Variants in FLI1 observed in about 807,000 individuals in gnomAD.
The protein encoded by FLI1 is Fli-1 proto-oncogene, ETS transcription factor, also known as Friend leukemia integration 1 transcription factor.
Under a neutral mutation model 53.1 loss-of-function variants are expected in FLI1, and 13 were observed. The observed-to-expected ratio is 0.24, with a 90% CI of 0.16 to 0.39. The LOEUF is 0.39. Ranked by LOEUF, FLI1 falls within the 10% of genes least tolerant of loss-of-function variation. FLI1 has a pLI of 1.00. For synonymous variants in FLI1, 244 were observed against 236.7 expected (o/e 1.03, Z -0.28); for missense variants, 424 against 600.5 (o/e 0.71, Z 3.07).
chr11:128,801,467 AC>A (rs1423919209), intron 5 of FLI1, among the ~76,000 whole-genome samples: 2 of 152,212 alleles, frequency 1.3e-5, no homozygotes, highest in Non-Finnish European at 2.9e-5. Flanking sequence ...TGTTAAAAAC[AC>A]ATAAAATGCA....
intron 1 of FLI1, among the ~76,000 whole-genome samples, chr11:128,701,056 A>G (rs1273206103): frequency 1.3e-5 from 2 of 152,248 alleles, no homozygotes; most frequent in African/African-American, 4.8e-5. Flanking sequence ...AGAAATGAGC[A>G]GCAGTCAGGA....
Position 128,695,258 on chromosome 11 carries a change from G to A in FLI1, c.18+982G>A, listed in dbSNP as rs978028302. ...TCTCACTTCAGAAAAGTTGACTGCT[G>A]TCTCTGAAAGGGTTCGCCAAGTAGG... is the stretch of plus-strand genomic sequence containing the variant. On this transcript the variant is annotated intron_variant, in intron 1 of 8. Coordinates refer to ENST00000527786, the MANE Select transcript of FLI1 (RefSeq NM_002017.5). Among the ~76,000 whole-genome samples, 4 of 152,396 alleles carry A rather than the reference G, an allele frequency of 2.6e-5. No individual in the cohort carries two copies. The South Asian group carries it at 8.3e-4, about 32-fold the overall frequency.
At chr11:128,767,355 C>A (rs1206995255) in intron 2 of FLI1, among the ~76,000 whole-genome samples, 2 of 152,168 alleles carry the variant, frequency 1.3e-5, no homozygotes, top group African/African-American at 2.4e-5. Flanking sequence ...AAGTAGCAAC[C>A]AGCTCTTTTG....
chr11:128,693,267 C>T (rs1937835315), upstream of FLI1: 1 of 152,288 alleles, frequency 6.6e-6, no homozygotes, highest in Non-Finnish European at 1.5e-5. Context: ...GCCCCTTCTC[C>T]TAACAATGCG....
rs547062589 is a variant in FLI1, at chr11:128,811,042, A to G, written c.*54A>G. 8 of 1,566,834 alleles carry G rather than the reference A, an allele frequency of 5.1e-6. No homozygotes were observed. The African/African-American group carries it at 8.1e-5, about 16-fold the overall frequency. On this transcript the variant is annotated 3_prime_UTR_variant, in exon 9 of 9. Transcript: ENST00000527786. ...GAAGCCCATCCTGCACACTTACTGG[A>G]TGCTTTGGACTCAACAGGACATATG...
At position 128,811,132 on chromosome 11, in the gene FLI1, T is replaced by C; in HGVS notation, c.*144T>C. On this transcript the variant is annotated 3_prime_UTR_variant, in exon 9 of 9. Coordinates refer to ENST00000527786, the MANE Select transcript of FLI1 (RefSeq NM_002017.5). Reference sequence around the variant, plus strand: ...TTGGATAGAACCTTTGTATTTGTTCTTTAAAAACATTTTTTTTAATGTTGG... The same window carrying C: ...TTGGATAGAACCTTTGTATTTGTTCCTTAAAAACATTTTTTTTAATGTTGG... 2.6e-6 allele frequency: 2 copies of C among 778,124 alleles called. No homozygotes were observed. Among genetic ancestry groups the C allele is most frequent in the Admixed American group, 5.6e-5 (2 of 35,918 alleles). 48.2% of individuals were successfully genotyped at this position (778,124 alleles called of 1,614,324 possible).
At chr11:128,705,436 C>T (rs1388845701) in intron 1 of FLI1, among the ~76,000 whole-genome samples, 2 of 152,194 alleles carry the variant, frequency 1.3e-5, no homozygotes, top group South Asian at 2.1e-4. Flanking sequence ...CCTCCTCTAC[C>T]CTTGTACCTT....
At chr11:128,737,768 A>C (rs937542395) in intron 1 of FLI1, among the ~76,000 whole-genome samples, 5 of 152,190 alleles carry the variant, frequency 3.3e-5, no homozygotes, top group Admixed American at 3.3e-4. Context: ...GCTCAGTTCC[A>C]GTTACTTTTG....
chr11:128,772,017 C>A (rs1941576229), intron 3 of FLI1, among the ~76,000 whole-genome samples: 1 of 147,474 alleles, frequency 6.8e-6, no homozygotes. Context: ...GCTGAAAGTG[C>A]AACATCCCCA....
chr11:128,708,318 A>C (rs1395142211), intron 1 of FLI1, among the ~76,000 whole-genome samples: 1 of 152,208 alleles, frequency 6.6e-6, no homozygotes, highest in Non-Finnish European at 1.5e-5. Flanking sequence ...TCCATATGCT[A>C]ACACTACTTT....
chr11:128,750,178 C>T (rs897541584), intron 1 of FLI1, among the ~76,000 whole-genome samples: 9 of 152,308 alleles, frequency 5.9e-5, no homozygotes, highest in Admixed American at 1.3e-4. Context: ...GCACTGGGAG[C>T]GGCGGAGTGG....
At chr11:128,737,533 A>G (rs1435391452) in intron 1 of FLI1, among the ~76,000 whole-genome samples, 1 of 152,240 alleles carries the variant, frequency 6.6e-6, no homozygotes, top group Non-Finnish European at 1.5e-5. Flanking sequence ...TGAACAAGAC[A>G]TTTCTATTTT....
chr11:128,778,687 G>A (rs966110826), intron 4 of FLI1, among the ~76,000 whole-genome samples: 2 of 152,214 alleles, frequency 1.3e-5, no homozygotes, highest in Non-Finnish European at 2.9e-5. Flanking sequence ...GGAGCACTGC[G>A]TCCCCACCAC....
At position 128,758,118 on chromosome 11, in the gene FLI1, G is replaced by A. The variant is rs781469287; in HGVS notation, c.22G>A (p.Ala8Thr). 9.9e-6 allele frequency: 16 copies of A among 1,611,072 alleles called. No individual in the cohort carries two copies. The highest frequency in any genetic ancestry group is 1.7e-6 in the Non-Finnish European group (2 of 1,178,736). Residue 8 changes from alanine (A) to threonine (T), a missense_variant, in exon 2 of 9, where the codon GCT (alanine) becomes ACT (threonine). By Grantham distance (58) the Ala-to-Thr change is moderately conservative (BLOSUM62 0). Coordinates refer to ENST00000527786, the MANE Select transcript of FLI1 (RefSeq NM_002017.5). ...TGTCTCTTCTCTGGCCCTGCAGGAG[G>A]CTCTGTCGGTGGTGAGCGACGACCA... Reference protein sequence around the residue: MDGTIKEALSVVSDDQSL... With the variant: MDGTIKETLSVVSDDQSL...
chr11:128,752,150 A>G (rs1940674977), intron 1 of FLI1, among the ~76,000 whole-genome samples: 1 of 151,492 alleles, frequency 6.6e-6, no homozygotes, highest in South Asian at 2.1e-4. Flanking sequence ...TGAGTTTTGT[A>G]TTTTTAGTAG....
intron 2 of FLI1, 91 bp downstream of exon 2, chr11:128,758,417 C>T: frequency 9.6e-7 from 1 of 1,037,024 alleles, no homozygotes; most frequent in Non-Finnish European, 1.5e-6. Context: ...GTTTTTGCAG[C>T]AGATGGGGCT....
At chr11:128,700,154 C>G (rs1346535158) in intron 1 of FLI1, among the ~76,000 whole-genome samples, 1 of 152,210 alleles carries the variant, frequency 6.6e-6, no homozygotes, top group Non-Finnish European at 1.5e-5. Flanking sequence ...TTTCATAAAT[C>G]TCTTCACAGA....
intron 5 of FLI1, among the ~76,000 whole-genome samples, chr11:128,794,953 G>C (rs894881309): frequency 2.6e-5 from 4 of 152,208 alleles, no homozygotes; most frequent in Non-Finnish European, 4.4e-5. Flanking sequence ...GCACGGGCCT[G>C]TGGTCCCAAC....
At chr11:128,788,507 A>G (rs565396827) in intron 5 of FLI1, among the ~76,000 whole-genome samples, 2 of 152,264 alleles carry the variant, frequency 1.3e-5, no homozygotes, top group East Asian at 3.9e-4. Flanking sequence ...AGGGAGACAC[A>G]CCTAGGAAAT....
Sources: allele counts gnomAD v4.1 joint callset (sites outside exome capture counted in the v4.1 genomes callset), GRCh38; gene constraint gnomAD v4.1.1; transcripts MANE v1.5; gene names NCBI Gene and HGNC (gene_info 2026-07-23, HGNC 2026-07-21).